The following TBX4 variants were observed in gnomAD, a reference collection of about 807,000 sequenced individuals.
The protein encoded by TBX4 is T-box transcription factor 4, also known as T-box transcription factor TBX4.
Under a neutral mutation model 54.6 loss-of-function variants are expected in TBX4, and 13 were observed. The ratio of observed to expected loss-of-function variants is 0.24; its 90% confidence interval spans 0.15 to 0.38. TBX4 has a LOEUF of 0.38. Among genes scored for constraint, TBX4 ranks in the 10% least tolerant of loss-of-function variants. The pLI is 1.00. For missense variants in TBX4, 631 were observed against 728.5 expected, an observed-to-expected ratio of 0.87 and a Z score of 1.54; for synonymous variants, 314 against 306.7, an observed-to-expected ratio of 1.02 and a Z score of -0.25.
At chr17:61,470,934 C>A (rs1015561872) in intron 5 of TBX4, among the ~76,000 whole-genome samples, 5 of 152,240 alleles carry the variant, frequency 3.3e-5, no homozygotes, top group African/African-American at 7.2e-5. Context: ...GAGGGCCTCA[C>A]TGGGGCATAG....
rs2060637449 is a variant in TBX4 at position 61,478,360 on chromosome 17, C to T, written c.550-267C>T. ...AGGGCTGACTCAAGTTCTCCATTAC[C>T]ACAGTGAATCAACTGGTCACATCAA... On this transcript the variant is annotated intron_variant, in intron 5 of 8. Transcript: ENST00000644296. The surrounding 1 kb of genome is among the most constrained non-coding windows in gnomAD (Gnocchi z 7.4). 1.9e-6 allele frequency: 1 copy of T among 530,176 alleles called. No individual in the cohort carries two copies. Among genetic ancestry groups the T allele is most frequent in the East Asian group, 3.4e-5 (1 of 29,358 alleles). The allele number at this position is 530,176 out of a possible 1,614,324, so 32.8% of individuals were successfully genotyped here.
rs1169929154 is a variant in TBX4 at position 61,474,988 on chromosome 17, C to A, written c.550-3639C>A. ...AAGGCCCCACTTCATAGATGGGGAC[C>A]CCAATGGTTGGAGAAGGAGAAGAGC... On this transcript the variant is annotated intron_variant, in intron 5 of 8. Coordinates refer to ENST00000644296, the MANE Select transcript of TBX4 (RefSeq NM_001321120.2). The surrounding 1 kb of genome is among the most constrained non-coding windows in gnomAD (Gnocchi z 4.6). 1.3e-5 allele frequency among the ~76,000 whole-genome samples: 2 copies of A among 152,188 alleles called. No homozygotes were observed. Among genetic ancestry groups the A allele is most frequent in the African/African-American group, 4.8e-5 (2 of 41,444 alleles).
Position 61,483,335 on chromosome 17 carries a change from G to T in TBX4, c.1460G>T (p.Gly487Val). 6.2e-7 allele frequency: 1 copy of T among 1,610,022 alleles called. No individual in the cohort carries two copies. Among genetic ancestry groups the T allele is most frequent in the South Asian group, 1.1e-5 (1 of 90,898 alleles). Reference protein sequence around the residue: ...QLSQSQVRERGPSASFPRERG... With the variant: ...QLSQSQVRERVPSASFPRERG... ...TCCCAGTCTCAGGTCCGAGAGCGGG[G>T]GCCCAGCGCCTCATTCCCAAGAGAG... is the stretch of plus-strand genomic sequence containing the variant. Residue 487 changes from glycine (G) to valine (V), a missense_variant, in exon 9 of 9, where the codon GGG (glycine) becomes GTG (valine). By Grantham distance (109) the Gly-to-Val change is moderately radical. This residue lies in a region of TBX4 where 354 missense variants were observed against 368.9 expected (regional missense o/e 0.96). Coordinates refer to ENST00000644296, the MANE Select transcript of TBX4 (RefSeq NM_001321120.2). This position sits in a 1 kb window ranked among gnomAD's most constrained non-coding sequence, Gnocchi z 6.6.
chr17:61,458,903 T>A (rs2060474103), intron 3 of TBX4, among the ~76,000 whole-genome samples: 1 of 148,046 alleles, frequency 6.8e-6, no homozygotes, highest in Non-Finnish European at 1.5e-5. Flanking sequence ...GCTGGTTTGC[T>A]GTGTGCAGCG....
chr17:61,456,695 T>C lies in TBX4; in HGVS notation c.186+19T>C. ...GGAGCAGGTAGGGCTGCGCCAGCCGTCGGGTAGAAGTCGGGCGTCGGTCTG... is the reference window on the plus strand; with the variant it reads ...GGAGCAGGTAGGGCTGCGCCAGCCGCCGGGTAGAAGTCGGGCGTCGGTCTG... On this transcript the variant is annotated intron_variant, in intron 2 of 8. Transcript: ENST00000644296. The C allele has an allele frequency of 7.3e-7, 1 of 1,375,108 alleles. No homozygotes were observed. The highest frequency in any genetic ancestry group is 1.7e-5 in the South Asian group (1 of 60,104). The allele number at this position is 1,375,108 out of a possible 1,614,324, so 85.2% of individuals were successfully genotyped here.
Position 61,483,665 on chromosome 17 carries a change from T to G in TBX4, c.*149T>G. On this transcript the variant is annotated 3_prime_UTR_variant, in exon 9 of 9. Coordinates refer to ENST00000644296, the MANE Select transcript of TBX4 (RefSeq NM_001321120.2). This position sits in a 1 kb window ranked among gnomAD's most constrained non-coding sequence, Gnocchi z 6.6. ...GTGTGTGTGTGTGTATACACGAGCATGTATGTATTTGGAGAGCATCCATCT... is the reference window on the plus strand; with the variant it reads ...GTGTGTGTGTGTGTATACACGAGCAGGTATGTATTTGGAGAGCATCCATCT... 1 of 924,484 alleles carries G rather than the reference T, an allele frequency of 1.1e-6. No homozygotes were observed. Among genetic ancestry groups the G allele is most frequent in the Non-Finnish European group, 1.6e-6 (1 of 611,184 alleles). 57.3% of individuals were successfully genotyped at this position (924,484 alleles called of 1,614,324 possible).
At position 61,483,454 on chromosome 17, in the gene TBX4, C is replaced by T. The variant is rs200436565; in HGVS notation, c.1579C>T (p.Arg527Ter). 147 of 1,614,064 alleles carry T rather than the reference C, an allele frequency of 9.1e-5. 1 individual carries two copies. Among genetic ancestry groups the T allele is most frequent in the Non-Finnish European group, 1.2e-4 (136 of 1,180,032 alleles). The change falls in exon 9 of 9, where the codon CGA becomes TGA. Residue 527 changes from arginine to a stop codon, truncating the protein, a stop_gained. Transcript: ENST00000644296. LOFTEE classifies it high-confidence loss of function. This position sits in a 1 kb window ranked among gnomAD's most constrained non-coding sequence, Gnocchi z 6.6. ...FLYSQTFSLS[R>*]ESSLQYHSGM... ...CTACTCTCAAACCTTCTCCTTGTCC[C>T]GAGAATCTTCCTTACAGTACCATTC...
intron 1 of TBX4, among the ~76,000 whole-genome samples, chr17:61,454,127 T>C (rs2060431127): frequency 6.6e-6 from 1 of 152,226 alleles, no homozygotes; most frequent in African/African-American, 2.4e-5. Context: ...AAGCAGGGCT[T>C]TAACCATACA....
intron 5 of TBX4, 58 bp downstream of exon 5, chr17:61,467,715 G>A: frequency 6.2e-7 from 1 of 1,607,828 alleles, no homozygotes; most frequent in South Asian, 1.1e-5. Flanking sequence ...TTAGGGGTGG[G>A]ACAGGCCAGG....
At chr17:61,477,832 T>G in intron 5 of TBX4, among the ~76,000 whole-genome samples, 1 of 150,970 alleles carries the variant, frequency 6.6e-6, no homozygotes, top group Admixed American at 6.6e-5. Context: ...TTTCAGCTAC[T>G]TGGGAGGCTG....
In TBX4 at chr17:61,483,462, T is replaced by C. The variant is rs1490912123; in HGVS notation, c.1587T>C (p.Ser529=). 1.2e-6 allele frequency: 2 copies of C among 1,614,218 alleles called. No individual in the cohort carries two copies. The highest frequency in any genetic ancestry group is 2.2e-5 in the South Asian group (2 of 91,082). The change falls in exon 9 of 9, where the codon TCT becomes TCC. Residue 529 remains serine, a synonymous_variant. Coordinates refer to ENST00000644296, the MANE Select transcript of TBX4 (RefSeq NM_001321120.2). This position sits in a 1 kb window ranked among gnomAD's most constrained non-coding sequence, Gnocchi z 6.6. ...YSQTFSLSRE[S]SLQYHSGMGT... ...AAACCTTCTCCTTGTCCCGAGAATC[T>C]TCCTTACAGTACCATTCAGGAATGG...
In TBX4 at chr17:61,460,636, A is replaced by G. The variant is rs758669239; in HGVS notation, c.281+3005A>G. ...AGGGTTCGTGCTGATAGCCGCAGAC[A>G]GCAGATCCCTCTCTTGGCCTCCCCA... On this transcript the variant is annotated intron_variant, in intron 3 of 8. Coordinates refer to ENST00000644296, the MANE Select transcript of TBX4 (RefSeq NM_001321120.2). The surrounding 1 kb of genome is among the most constrained non-coding windows in gnomAD (Gnocchi z 4.4). Among the ~76,000 whole-genome samples the G allele has an allele frequency of 1.9e-4, 29 of 152,164 alleles. No homozygotes were observed. The highest frequency in any genetic ancestry group is 5.9e-5 in the Non-Finnish European group (4 of 68,026).
chr17:61,478,926 C>G lies in TBX4; in HGVS notation c.702+147C>G. On this transcript the variant is annotated intron_variant, in intron 6 of 8. Transcript: ENST00000644296. The surrounding 1 kb of genome is among the most constrained non-coding windows in gnomAD (Gnocchi z 7.4). ...GGGACCTCAGAAGCCTAGAGTCCCT[C>G]GGAGCCGCGAGCAAATCGAATGATG... The G allele has an allele frequency of 4.0e-6, 5 of 1,237,298 alleles. No individual in the cohort carries two copies. The highest frequency in any genetic ancestry group is 5.8e-6 in the Non-Finnish European group (5 of 855,752). The allele number at this position is 1,237,298 out of a possible 1,614,324, so 76.6% of individuals were successfully genotyped here.
chr17:61,470,700 T>A (rs536563739), intron 5 of TBX4, among the ~76,000 whole-genome samples: 1 of 152,302 alleles, frequency 6.6e-6, no homozygotes, highest in East Asian at 1.9e-4. Context: ...TGGGGCTGGA[T>A]GAGCTGCCTC....
intron 5 of TBX4, among the ~76,000 whole-genome samples, chr17:61,470,041 GCCT>G (rs1280968585): frequency 3.3e-5 from 5 of 152,242 alleles, no homozygotes; most frequent in African/African-American, 1.2e-4. Context: ...TTGAGCAGCT[GCCT>G]CCTATTGGCA....
chr17:61,456,950 G>A (rs2060455147), intron 2 of TBX4, among the ~76,000 whole-genome samples: 1 of 152,220 alleles, frequency 6.6e-6, no homozygotes, highest in South Asian at 2.1e-4. Context: ...GGAGACCCCC[G>A]TAGCATCTGA....
chr17:61,482,277 CTTA>C (rs2060668307), intron 8 of TBX4, among the ~76,000 whole-genome samples: 1 of 152,208 alleles, frequency 6.6e-6, no homozygotes, highest in African/African-American at 2.4e-5. Context: ...ACCTTTTTCA[CTTA>C]TTATCAGTTC....
Position 61,456,580 on chromosome 17 carries a change from C to A in TBX4, c.90C>A (p.Pro30=). 2.6e-6 allele frequency: 4 copies of A among 1,535,208 alleles called. No homozygotes were observed. Among genetic ancestry groups the A allele is most frequent in the Non-Finnish European group, 8.8e-7 (1 of 1,140,042 alleles). ...ALGEASAANA[P]EPALAAPGLS... Reference sequence around the variant, plus strand: ...GAGAGGCCAGCGCAGCCAACGCCCCCGAGCCCGCGCTGGCAGCGCCGGGCC... The same window carrying A: ...GAGAGGCCAGCGCAGCCAACGCCCCAGAGCCCGCGCTGGCAGCGCCGGGCC... Residue 30 remains proline (P), a synonymous_variant, in exon 2 of 9, where the codon CCC becomes CCA. Coordinates refer to ENST00000644296, the MANE Select transcript of TBX4 (RefSeq NM_001321120.2).
chr17:61,456,318 A>T, intron 1 of TBX4, 170 bp from the exon 2 acceptor site: 1 of 809,346 alleles, frequency 1.2e-6, no homozygotes, highest in Non-Finnish European at 2.0e-6. Flanking sequence ...GAGGCGAGGG[A>T]CCTGCCTTCC....
Sources: allele counts gnomAD v4.1 joint callset (sites outside exome capture counted in the v4.1 genomes callset), GRCh38; gene constraint gnomAD v4.1.1; regional missense constraint gnomAD v4.1.1; non-coding constraint Gnocchi (gnomAD v3.1); transcripts MANE v1.5; gene names NCBI Gene and HGNC (gene_info 2026-07-23, HGNC 2026-07-21).